SENP7: variants seen among roughly 807,000 people sequenced by gnomAD.
The protein encoded by SENP7 is sentrin-specific protease 7.
In SENP7, 64 loss-of-function variants were observed where a neutral mutation model predicts 141.2. That is an observed-to-expected ratio of 0.45 (90% CI 0.37 to 0.56). The LOEUF is 0.56. Among genes scored for constraint, SENP7 ranks in the 20% least tolerant of loss-of-function variants. The pLI is 0.00. For synonymous variants in SENP7, 382 were observed against 426.4 expected, an observed-to-expected ratio of 0.90 and a Z score of 1.28; for missense variants, 1,025 against 1,212.2, an observed-to-expected ratio of 0.85 and a Z score of 2.29.
At chr3:101,480,883 C>A (rs1183427779) in intron 3 of SENP7, among the ~76,000 whole-genome samples, 1 of 151,556 alleles carries the variant, frequency 6.6e-6, no homozygotes, top group Non-Finnish European at 1.5e-5. Flanking sequence ...TGCTCAACAT[C>A]ACTAACCACT....
At chr3:101,493,778 G>A in intron 3 of SENP7, 95 bp downstream of exon 3, 2 of 699,350 alleles carry the variant, frequency 2.9e-6, no homozygotes, top group Non-Finnish European at 4.6e-6. Flanking sequence ...ACCAAAAAAG[G>A]GACATATCAG....
chr3:101,397,224 T>C (rs565790831), intron 6 of SENP7, among the ~76,000 whole-genome samples: 1 of 152,298 alleles, frequency 6.6e-6, no homozygotes, highest in East Asian at 1.9e-4. Flanking sequence ...CTTGAATTCC[T>C]GGGCTCAAGC....
At chr3:101,437,280 T>C (rs1005387464) in intron 4 of SENP7, among the ~76,000 whole-genome samples, 7 of 152,108 alleles carry the variant, frequency 4.6e-5, no homozygotes, top group East Asian at 1.9e-4. Context: ...ATAATAAAAA[T>C]AGAATGAATA....
chr3:101,357,892 T>C, intron 11 of SENP7: 1 of 570,450 alleles, frequency 1.8e-6, no homozygotes, highest in South Asian at 1.7e-5. Flanking sequence ...CTAACCTTAC[T>C]ACACATAAGA....
At chr3:101,474,400 C>T (rs2064132440) in intron 3 of SENP7, among the ~76,000 whole-genome samples, 1 of 152,108 alleles carries the variant, frequency 6.6e-6, no homozygotes, top group African/African-American at 2.4e-5. Flanking sequence ...CTTTCACCTC[C>T]CTCCTTAGAT....
intron 4 of SENP7, among the ~76,000 whole-genome samples, chr3:101,430,628 C>T (rs1559813379): frequency 6.6e-6 from 1 of 151,908 alleles, no homozygotes; most frequent in East Asian, 1.9e-4. Flanking sequence ...TTGATCTTTT[C>T]AAAAAAACCA....
chr3:101,390,732 T>A (rs1341350636), intron 6 of SENP7, among the ~76,000 whole-genome samples: 2 of 152,204 alleles, frequency 1.3e-5, no homozygotes, highest in Non-Finnish European at 2.9e-5. Context: ...AGACTTAATC[T>A]ACACTATTGA....
intron 5 of SENP7, among the ~76,000 whole-genome samples, chr3:101,399,790 T>C (rs1316905198): frequency 6.6e-6 from 1 of 152,132 alleles, no homozygotes; most frequent in Non-Finnish European, 1.5e-5. Flanking sequence ...CACGCCCAGG[T>C]AACTTTTTTA....
intron 23 of SENP7, 37 bp downstream of exon 23, chr3:101,327,629 A>G: frequency 6.5e-7 from 1 of 1,529,482 alleles, no homozygotes; most frequent in Non-Finnish European, 8.9e-7. Flanking sequence ...GTATGGTGGT[A>G]ACTGTGAATT....
intron 7 of SENP7, among the ~76,000 whole-genome samples, chr3:101,371,683 ACCCAG>A (rs1163599249): frequency 1.3e-5 from 2 of 152,122 alleles, no homozygotes; most frequent in African/African-American, 2.4e-5. Flanking sequence ...AATAATAAAA[ACCCAG>A]TTAGCAGTAA....
intron 7 of SENP7, among the ~76,000 whole-genome samples, chr3:101,371,310 A>AAAAGAG (rs2060174820): frequency 6.6e-6 from 1 of 152,200 alleles, no homozygotes. Flanking sequence ...CTTAAAAAGA[A>AAAAGAG]AAAGAGAAAG....
rs34227978 is a variant in SENP7, at chr3:101,338,152, C to CA, written c.2358-522dup. On this transcript the variant is annotated intron_variant, in intron 16 of 23. Coordinates refer to ENST00000394095, the MANE Select transcript of SENP7 (RefSeq NM_020654.5). ...TGGGTGACACAGCGAGACTCTGTCT[C>CA]AAAAAAAAAAAAAAAAATTAAAAAA... 4.3e-3 allele frequency among the ~76,000 whole-genome samples: 488 copies of CA among 113,590 alleles called. 1 individual carries two copies. Among genetic ancestry groups the CA allele is most frequent in the Non-Finnish European group, 5.8e-3 (314 of 53,872 alleles). 74.5% of individuals were successfully genotyped at this position (113,590 alleles called of 152,430 possible). A position where few individuals can be genotyped will look rare whatever the true frequency, so the allele number is the denominator to read the frequency against.
chr3:101,326,174 T>A (rs1364206170), intron 23 of SENP7, 94 bp from the exon 24 acceptor site: 6 of 985,244 alleles, frequency 6.1e-6, no homozygotes, highest in Non-Finnish European at 8.5e-6. Context: ...AATTGCTAAC[T>A]TTTTTAAAAT....
At chr3:101,394,551 C>T (rs1426501669) in intron 6 of SENP7, among the ~76,000 whole-genome samples, 4 of 149,666 alleles carry the variant, frequency 2.7e-5, no homozygotes, top group African/African-American at 7.4e-5. Flanking sequence ...CTGGCTCTGT[C>T]GCCCAGGCTG....
chr3:101,401,849 T>G (rs2061152472), intron 5 of SENP7, among the ~76,000 whole-genome samples: 1 of 152,030 alleles, frequency 6.6e-6, no homozygotes, highest in South Asian at 2.1e-4. Context: ...CTTAGTATGG[T>G]GGCATGCACC....
At chr3:101,467,643 CAGAG>C (rs1225412827) in intron 3 of SENP7, among the ~76,000 whole-genome samples, 1 of 152,162 alleles carries the variant, frequency 6.6e-6, no homozygotes, top group Non-Finnish European at 1.5e-5. Context: ...AACTAACAAA[CAGAG>C]AGGAATAGCA....
At chr3:101,456,845 T>C (rs935217168) in intron 4 of SENP7, among the ~76,000 whole-genome samples, 2 of 152,216 alleles carry the variant, frequency 1.3e-5, no homozygotes, top group Admixed American at 6.5e-5. Context: ...TAAGCCGTAC[T>C]TGAACTCCTG....
At chr3:101,408,971 G>A (rs1222733237) in intron 5 of SENP7, among the ~76,000 whole-genome samples, 1 of 152,096 alleles carries the variant, frequency 6.6e-6, no homozygotes, top group Middle Eastern at 3.2e-3. Flanking sequence ...CATCCAAATC[G>A]ATAAAGAGGA....
chr3:101,483,480 G>T (rs1028936487), intron 3 of SENP7, among the ~76,000 whole-genome samples: 2 of 152,064 alleles, frequency 1.3e-5, no homozygotes, highest in East Asian at 3.9e-4. Context: ...GAATAAAGGG[G>T]GTGGGAAAAG....
Sources: allele counts gnomAD v4.1 joint callset (sites outside exome capture counted in the v4.1 genomes callset), GRCh38; gene constraint gnomAD v4.1.1; transcripts MANE v1.5; gene names NCBI Gene and HGNC (gene_info 2026-07-23, HGNC 2026-07-21).